LARGE1: variants seen among roughly 807,000 people sequenced by gnomAD.
The protein encoded by LARGE1 is xylosyl- and glucuronyltransferase LARGE1.
LARGE1 carries 43 observed loss-of-function variants against 87.6 expected under a neutral mutation model. That is an observed-to-expected ratio of 0.49 (90% CI 0.38 to 0.63). The LOEUF is 0.63. Among genes scored for constraint, LARGE1 ranks in the 30% least tolerant of loss-of-function variants. LARGE1 has a pLI of 0.00. For missense variants in LARGE1, 802 were observed against 1,000.2 expected (o/e 0.80, Z 2.67); for synonymous variants, 434 against 394.6 (o/e 1.10, Z -1.18).
chr22:33,620,629 AACAAGATT>A (rs2079719388), intron 4 of LARGE1, among the ~76,000 whole-genome samples: 1 of 152,180 alleles, frequency 6.6e-6, no homozygotes, highest in South Asian at 2.1e-4. Context: ...TGAAAACAAA[AACAAGATT>A]ACGCCCAGGC....
At chr22:33,559,258 T>C (rs371655550) in intron 6 of LARGE1, among the ~76,000 whole-genome samples, 65 of 152,202 alleles carry the variant, frequency 4.3e-4, no homozygotes, top group African/African-American at 1.4e-3. Context: ...CTTGGCATAC[T>C]GCAACCTCTG....
intron 6 of LARGE1, among the ~76,000 whole-genome samples, chr22:33,528,781 CCGA>C (rs1360489406): frequency 6.6e-6 from 1 of 152,184 alleles, no homozygotes; most frequent in Non-Finnish European, 1.5e-5. Context: ...CCCATCACGG[CCGA>C]CAACTTAGTT....
chr22:33,206,595 A>G (rs1250490831), intron 11 of LARGE1, among the ~76,000 whole-genome samples: 1 of 152,186 alleles, frequency 6.6e-6, no homozygotes, highest in African/African-American at 2.4e-5. Flanking sequence ...CCAAGGACAC[A>G]TATGCAGGCT....
intron 2 of LARGE1, among the ~76,000 whole-genome samples, chr22:33,738,217 G>C (rs1202681284): frequency 6.6e-6 from 1 of 152,120 alleles, no homozygotes; most frequent in East Asian, 1.9e-4. Context: ...GCCCATTCTG[G>C]GAAAAATAAC....
intron 5 of LARGE1, among the ~76,000 whole-genome samples, chr22:33,576,505 G>A (rs1320088052): frequency 2.0e-5 from 3 of 152,120 alleles, no homozygotes; most frequent in African/African-American, 7.2e-5. Flanking sequence ...TATCCAGGTG[G>A]CTTTGGTGCT....
chr22:33,651,020 A>G (rs1602981623), intron 2 of LARGE1, among the ~76,000 whole-genome samples: 1 of 151,616 alleles, frequency 6.6e-6, no homozygotes, highest in East Asian at 1.9e-4. Context: ...GATTGGGGAG[A>G]AAGACAAGGG....
chr22:33,641,679 A>G (rs1363795784), intron 3 of LARGE1, among the ~76,000 whole-genome samples: 1 of 152,222 alleles, frequency 6.6e-6, no homozygotes, highest in East Asian at 1.9e-4. Flanking sequence ...AGTTTAGAGA[A>G]GAAGAACATC....
chr22:33,332,652 T>C (rs993294091), intron 10 of LARGE1, among the ~76,000 whole-genome samples: 4 of 152,334 alleles, frequency 2.6e-5, no homozygotes, highest in African/African-American at 4.8e-5. Context: ...GCTGGGAGCA[T>C]AGGCTTTGGG....
At chr22:33,879,515 C>T (rs1263570070) in intron 1 of LARGE1, among the ~76,000 whole-genome samples, 1 of 152,216 alleles carries the variant, frequency 6.6e-6, no homozygotes, top group African/African-American at 2.4e-5. Context: ...CTAGTCTTCC[C>T]ACTTAACAAC....
chr22:33,663,005 C>T (rs1447457861), intron 2 of LARGE1, among the ~76,000 whole-genome samples: 5 of 152,058 alleles, frequency 3.3e-5, no homozygotes, highest in Non-Finnish European at 5.9e-5. Context: ...TATTCCAATT[C>T]CAACAAGTAT....
At chr22:33,734,326 G>T (rs1350130173) in intron 2 of LARGE1, among the ~76,000 whole-genome samples, 1 of 152,180 alleles carries the variant, frequency 6.6e-6, no homozygotes, top group Non-Finnish European at 1.5e-5. Context: ...TGATGTGTTG[G>T]ATCTTGAAAG....
At chr22:33,569,232 T>C (rs946430478) in intron 5 of LARGE1, among the ~76,000 whole-genome samples, 1 of 152,210 alleles carries the variant, frequency 6.6e-6, no homozygotes, top group Non-Finnish European at 1.5e-5. Context: ...AACTTATTCA[T>C]CTATTTTGGT....
intron 2 of LARGE1, among the ~76,000 whole-genome samples, chr22:33,745,274 G>C (rs561179428): frequency 3.3e-5 from 5 of 152,292 alleles, no homozygotes; most frequent in African/African-American, 9.6e-5. Flanking sequence ...AGAGCAGCAA[G>C]AGCTATTAGG....
At chr22:33,653,351 T>C (rs1206246882) in intron 2 of LARGE1, among the ~76,000 whole-genome samples, 2 of 152,188 alleles carry the variant, frequency 1.3e-5, no homozygotes, top group East Asian at 3.9e-4. Flanking sequence ...CTCCTGGACT[T>C]TGAGCTCAGC....
chr22:33,786,563 T>G (rs1042458313), intron 1 of LARGE1, among the ~76,000 whole-genome samples: 1 of 152,170 alleles, frequency 6.6e-6, no homozygotes, highest in Non-Finnish European at 1.5e-5. Context: ...TCTCTCTCCC[T>G]ACTCCCTCCA....
At chr22:33,312,970 G>C (rs1259384562) in intron 11 of LARGE1, among the ~76,000 whole-genome samples, 1 of 152,154 alleles carries the variant, frequency 6.6e-6, no homozygotes, top group Non-Finnish European at 1.5e-5. Context: ...AGAGGCCAAA[G>C]GGACCTGAGA....
intron 4 of LARGE1, among the ~76,000 whole-genome samples, chr22:33,610,838 C>T (rs1031720359): frequency 6.6e-6 from 1 of 152,158 alleles, no homozygotes; most frequent in East Asian, 1.9e-4. Flanking sequence ...GACACCATTG[C>T]CCTGCACCAC....
chr22:33,574,649 G>GCAT (rs947177893), intron 5 of LARGE1, among the ~76,000 whole-genome samples: 1 of 148,838 alleles, frequency 6.7e-6, no homozygotes. Context: ...TGGGAGAAAA[G>GCAT]CATGATAGGA....
At chr22:33,318,586 G>C (rs1213020002) in intron 10 of LARGE1, among the ~76,000 whole-genome samples, 6 of 152,158 alleles carry the variant, frequency 3.9e-5, no homozygotes, top group African/African-American at 1.2e-4. Flanking sequence ...ATCACACACC[G>C]GGGCCTGTTG....
Sources: gnomAD v4.1 joint callset for allele counts (sites outside exome capture counted in the v4.1 genomes callset) on GRCh38, gnomAD v4.1.1 for gene constraint, MANE v1.5 for transcripts, NCBI Gene and HGNC (gene_info 2026-07-23, HGNC 2026-07-21) for gene names.